The following ZNF519 variants were observed in gnomAD, a reference collection of about 807,000 sequenced individuals.
ZNF519 encodes the protein zinc finger protein 519.
A neutral mutation model predicts 7.4 loss-of-function variants in ZNF519; 7 were observed. The ratio of observed to expected loss-of-function variants is 0.94; its 90% CI spans 0.54 to 1.77. ZNF519 has a LOEUF of 1.77. ZNF519 is among the 40% of genes most tolerant of loss of function. The probability of loss-of-function intolerance (pLI) is 0.00; values close to 1 mark genes in which losing one functional copy is unlikely to be tolerated. For missense variants in ZNF519, 586 were observed against 623.1 expected (o/e 0.94, Z 0.63); for synonymous variants, 179 against 203.3 (o/e 0.88, Z 1.02).
chr18:14,071,944 A>G (rs1186815350), downstream of ZNF519: 1 of 152,216 alleles, frequency 6.6e-6, no homozygotes, highest in African/African-American at 2.4e-5. Flanking sequence ...AGTTATTGAC[A>G]AAGGCATGGC....
chr18:14,124,315 G>A (rs989747000), intron 2 of ZNF519, 35 bp downstream of exon 2: 1 of 1,562,746 alleles, frequency 6.4e-7, no homozygotes, highest in African/African-American at 1.4e-5. Flanking sequence ...AACTCTGAGG[G>A]AGAATTAGGA....
chr18:14,099,317 A>T (rs1410259070), downstream of ZNF519, among the ~76,000 whole-genome samples: 1 of 152,200 alleles, frequency 6.6e-6, no homozygotes, highest in African/African-American at 2.4e-5. Flanking sequence ...TAATGAAGAA[A>T]TACTTGTGAT....
rs989145715 is a variant in ZNF519, at chr18:14,106,062, T to C, written c.478A>G (p.Ile160Val). 1.3e-6 allele frequency: 2 copies of C among 1,596,064 alleles called. No individual in the cohort carries two copies. Among genetic ancestry groups the C allele is most frequent in the African/African-American group, 1.4e-5 (1 of 73,766 alleles). ...LKSVFCNKNQ[I>V]NFNHDSNISK... ...ATATTTGAGTCATGGTTAAAATTTATCTGATTTTTATTACAAAAGACAGAT... is the reference window on the plus strand; with the variant it reads ...ATATTTGAGTCATGGTTAAAATTTACCTGATTTTTATTACAAAAGACAGAT... Residue 160 changes from isoleucine (I) to valine (V), a missense_variant, in exon 3 of 3, where the codon ATA (isoleucine) becomes GTA (valine). Transcript: ENST00000590202.
chr18:14,072,591 G>A (rs2046032177), downstream of ZNF519: 1 of 145,380 alleles, frequency 6.9e-6, no homozygotes, highest in African/African-American at 2.4e-5. Context: ...AACAGTGTGA[G>A]CCTTATTGAT....
At chr18:14,090,766 C>G (rs1472291694) in intron 2 of ZNF519, 2 of 152,216 alleles carry the variant, frequency 1.3e-5, no homozygotes, top group East Asian at 1.9e-4. Context: ...GACTGGAGAT[C>G]CCGGAACACA....
chr18:14,077,720 G>A (rs2046053326), intron 4 of ZNF519, among the ~76,000 whole-genome samples: 1 of 152,104 alleles, frequency 6.6e-6, no homozygotes, highest in African/African-American at 2.4e-5. Flanking sequence ...AGGAAATGCT[G>A]AGATCTGGGA....
At chr18:14,087,774 G>C (rs1276310756) in intron 2 of ZNF519, among the ~76,000 whole-genome samples, 2 of 152,134 alleles carry the variant, frequency 1.3e-5, no homozygotes, top group Non-Finnish European at 2.9e-5. Context: ...AAAGAGCATA[G>C]CTTGGTTTGT....
At chr18:14,110,821 T>G (rs1314170424) in intron 2 of ZNF519, among the ~76,000 whole-genome samples, 1 of 152,164 alleles carries the variant, frequency 6.6e-6, no homozygotes, top group Non-Finnish European at 1.5e-5. Flanking sequence ...TGTATATTCT[T>G]ATAAGTGAGA....
At chr18:14,108,976 A>G (rs1276438668) in intron 2 of ZNF519, among the ~76,000 whole-genome samples, 1 of 152,156 alleles carries the variant, frequency 6.6e-6, no homozygotes, top group South Asian at 2.1e-4. Context: ...GCATGGTGGC[A>G]CATGCCTGTA....
Position 14,103,030 on chromosome 18 carries a change from G to A in ZNF519, c.*1887C>T, listed in dbSNP as rs1041871502. On this transcript the variant is annotated 3_prime_UTR_variant, in exon 3 of 3. Coordinates refer to ENST00000590202, the MANE Select transcript of ZNF519 (RefSeq NM_145287.4). Reference sequence around the variant, plus strand: ...GAGACATAAAAATAGAAAGCAAAATGATGCAAATTCAACTATACTGATAAT... The same window carrying A: ...GAGACATAAAAATAGAAAGCAAAATAATGCAAATTCAACTATACTGATAAT... 1 of 151,948 alleles carries A rather than the reference G, an allele frequency of 6.6e-6. No homozygotes were observed. Among genetic ancestry groups the A allele is most frequent in the Non-Finnish European group, 1.5e-5 (1 of 67,970 alleles). 9.4% of individuals were successfully genotyped at this position (151,948 alleles called of 1,614,324 possible).
At chr18:14,129,344 G>A (rs575059955) in intron 1 of ZNF519, among the ~76,000 whole-genome samples, 1 of 152,230 alleles carries the variant, frequency 6.6e-6, no homozygotes, top group Non-Finnish European at 1.5e-5. Context: ...CTTTGTCGTG[G>A]GAGGAGTGTA....
downstream of ZNF519, among the ~76,000 whole-genome samples, chr18:14,097,792 G>A (rs1418191573): frequency 6.6e-6 from 1 of 152,112 alleles, no homozygotes; most frequent in African/African-American, 2.4e-5. Flanking sequence ...GGATGCTTTT[G>A]TCCCAATACT....
chr18:14,130,194 CAAAA>C (rs75044562), intron 1 of ZNF519, among the ~76,000 whole-genome samples: 2 of 127,880 alleles, frequency 1.6e-5, no homozygotes. Context: ...CTCCGATGGT[CAAAA>C]AAAAAAAAAA....
At chr18:14,126,250 C>A (rs1310736151) in intron 1 of ZNF519, among the ~76,000 whole-genome samples, 1 of 152,154 alleles carries the variant, frequency 6.6e-6, no homozygotes, top group Non-Finnish European at 1.5e-5. Flanking sequence ...CTTTTCTAAG[C>A]CTGACCAAGA....
intron 2 of ZNF519, among the ~76,000 whole-genome samples, chr18:14,111,546 A>G (rs991145186): frequency 4.6e-5 from 7 of 151,396 alleles, no homozygotes; most frequent in Non-Finnish European, 7.4e-5. Flanking sequence ...AAAGAAAAGA[A>G]AAAAGAAAAA....
intron 1 of ZNF519, among the ~76,000 whole-genome samples, chr18:14,131,523 A>G (rs998817757): frequency 4.6e-5 from 7 of 152,190 alleles, no homozygotes; most frequent in African/African-American, 1.4e-4. Flanking sequence ...GCAGGCGAAA[A>G]CCAGTGTCTT....
At chr18:14,095,021 G>A (rs1026750022), downstream of ZNF519, among the ~76,000 whole-genome samples, 1 of 152,046 alleles carries the variant, frequency 6.6e-6, no homozygotes, top group Non-Finnish European at 1.5e-5. Flanking sequence ...ATACAACTTC[G>A]TCACTTTAGG....
At chr18:14,111,542 A>G (rs1473449508) in intron 2 of ZNF519, among the ~76,000 whole-genome samples, 1 of 151,238 alleles carries the variant, frequency 6.6e-6, no homozygotes, top group East Asian at 1.9e-4. Flanking sequence ...AAAGAAAGAA[A>G]AGAAAAAAGA....
rs185655958 is a variant in ZNF519 at position 14,125,877 on chromosome 18, G to A, written c.4-1401C>T. Among the ~76,000 whole-genome samples the A allele has an allele frequency of 8.4e-4, 128 of 152,070 alleles. 1 individual carries two copies. The highest frequency in any genetic ancestry group is 3.0e-3 in the African/African-American group (126 of 41,464). On this transcript the variant is annotated intron_variant, in intron 1 of 2. Transcript: ENST00000590202. ...TTTTTAGTATTTTTAGTACAGCCGG[G>A]GTTTCATCATGTTGGCCAGGCTGGT... is the stretch of plus-strand genomic sequence containing the variant.
Sources: gnomAD v4.1 joint callset for allele counts (sites outside exome capture counted in the v4.1 genomes callset) on GRCh38, gnomAD v4.1.1 for gene constraint, MANE v1.5 for transcripts, NCBI Gene and HGNC (gene_info 2026-07-23, HGNC 2026-07-21) for gene names.